Variants in RIPOR2 observed in about 807,000 individuals in gnomAD.
RIPOR2 encodes RHO family interacting cell polarization regulator 2, also known as rho family-interacting cell polarization regulator 2.
Under a neutral mutation model 114.5 loss-of-function variants are expected in RIPOR2, and 39 were observed. The observed-to-expected ratio is 0.34, with a 90% CI of 0.26 to 0.44. The LOEUF is 0.44. Ranked by LOEUF, RIPOR2 falls within the 20% of genes least tolerant of loss-of-function variation. The pLI is 1.00. For synonymous variants in RIPOR2, 445 were observed against 484.4 expected (o/e 0.92, Z 1.07); for missense variants, 1,007 against 1,255.1 (o/e 0.80, Z 2.99).
intron 12 of RIPOR2, among the ~76,000 whole-genome samples, chr6:24,844,426 G>A (rs922535021): frequency 5.3e-5 from 8 of 151,982 alleles, no homozygotes; most frequent in Admixed American, 3.9e-4. Context: ...TCTGTGGAAA[G>A]GGCTTTTGAG....
chr6:25,040,424 G>A (rs1406899366), intron 1 of RIPOR2, among the ~76,000 whole-genome samples: 1 of 151,542 alleles, frequency 6.6e-6, no homozygotes, highest in African/African-American at 2.4e-5. Flanking sequence ...CCTGTGTGAT[G>A]GACTTCTAAT....
At chr6:24,973,949 C>T (rs142998166) in intron 1 of RIPOR2, among the ~76,000 whole-genome samples, 193 of 152,134 alleles carry the variant, frequency 1.3e-3, no homozygotes, top group Admixed American at 3.3e-3. Context: ...GACTAGAGGA[C>T]GGAGAGAAGG....
chr6:24,876,225 G>A (rs1342250037), intron 1 of RIPOR2, among the ~76,000 whole-genome samples: 10 of 152,002 alleles, frequency 6.6e-5, no homozygotes, highest in East Asian at 1.9e-4. Flanking sequence ...AGAAGGCGAA[G>A]GTTGCAGTGA....
intron 1 of RIPOR2, among the ~76,000 whole-genome samples, chr6:24,993,316 C>A (rs9379704): frequency 1.1e-3 from 173 of 152,180 alleles, no homozygotes; most frequent in African/African-American, 3.9e-3. Context: ...TGAATTGAAG[C>A]CTTTACCATT....
At chr6:24,833,520 A>G (rs1444801568) in intron 15 of RIPOR2, among the ~76,000 whole-genome samples, 1 of 151,266 alleles carries the variant, frequency 6.6e-6, no homozygotes, top group Non-Finnish European at 1.5e-5. Flanking sequence ...AAACAAAAAC[A>G]ACAACAACAA....
intron 1 of RIPOR2, chr6:24,910,830 G>C (rs1402993199): frequency 2.0e-5 from 20 of 985,314 alleles, no homozygotes; most frequent in Non-Finnish European, 2.3e-5. Flanking sequence ...AACGACGACG[G>C]CTCCTTGTCA....
intron 6 of RIPOR2, among the ~76,000 whole-genome samples, chr6:24,865,701 G>A (rs925598040): frequency 6.6e-6 from 1 of 152,160 alleles, no homozygotes; most frequent in Admixed American, 6.5e-5. Flanking sequence ...TGCATTGTTT[G>A]AGGCTATCAT....
At chr6:24,903,864 C>G (rs1056126134) in intron 1 of RIPOR2, among the ~76,000 whole-genome samples, 1 of 152,228 alleles carries the variant, frequency 6.6e-6, no homozygotes, top group Non-Finnish European at 1.5e-5. Flanking sequence ...TACTGTCCCT[C>G]AGAGAAGGAT....
chr6:25,009,306 T>A (rs1775685398), intron 1 of RIPOR2, among the ~76,000 whole-genome samples: 1 of 152,228 alleles, frequency 6.6e-6, no homozygotes, highest in Non-Finnish European at 1.5e-5. Context: ...TTTATCTTGA[T>A]TAGCAGTTTC....
intron 1 of RIPOR2, among the ~76,000 whole-genome samples, chr6:24,934,808 T>G (rs1034939675): frequency 6.6e-6 from 1 of 152,124 alleles, no homozygotes; most frequent in African/African-American, 2.4e-5. Context: ...AATGACTAGA[T>G]CATCCCTTTA....
chr6:24,806,428 C>A lies in RIPOR2; in HGVS notation c.3089G>T (p.Arg1030Leu), dbSNP rs767133936. ...LAYEQLDKFP[R>L]DCVKVGGRHG... ...ACGACCTCCGACTTTAACACAGTCTCGAGGAAATTTGTCCAATTGTTCATA... is the reference window on the plus strand; with the variant it reads ...ACGACCTCCGACTTTAACACAGTCTAGAGGAAATTTGTCCAATTGTTCATA... The change falls in exon 22 of 22, where the codon CGA (arginine) becomes CTA (leucine). Residue 1030 changes from arginine (R) to leucine (L), a missense_variant. By Grantham distance (102) the Arg-to-Leu change is moderately radical. Coordinates refer to ENST00000643898, the MANE Select transcript of RIPOR2 (RefSeq NM_001286445.3). The A allele has an allele frequency of 1.9e-6, 3 of 1,551,774 alleles. No individual in the cohort carries two copies. The highest frequency in any genetic ancestry group is 1.7e-6 in the Non-Finnish European group (2 of 1,146,984).
At position 24,865,506 on chromosome 6, in the gene RIPOR2, T is replaced by C. The variant is rs1764514715; in HGVS notation, c.502-56A>G. The C allele has an allele frequency of 4.2e-5, 59 of 1,409,628 alleles. No homozygotes were observed. In the South Asian group the frequency reaches 7.2e-4, roughly 17 times the overall value. The allele number at this position is 1,409,628 out of a possible 1,614,324, so 87.3% of individuals were successfully genotyped here. A position where few individuals can be genotyped will look rare whatever the true frequency, so the allele number is the denominator to read the frequency against. On this transcript the variant is annotated intron_variant, in intron 6 of 21. Coordinates refer to ENST00000643898, the MANE Select transcript of RIPOR2 (RefSeq NM_001286445.3). ...AATGTCAGGCTTGAAAGAAAATACA[T>C]AGATCATTGTTACATGCTTAATTTA...
intron 14 of RIPOR2, among the ~76,000 whole-genome samples, chr6:24,836,495 A>G (rs1270676590): frequency 4.6e-5 from 7 of 152,216 alleles, no homozygotes; most frequent in African/African-American, 1.7e-4. Context: ...CCTACATTTA[A>G]AAAAATCTCT....
At chr6:24,927,793 C>T (rs1358278941) in intron 1 of RIPOR2, among the ~76,000 whole-genome samples, 1 of 152,188 alleles carries the variant, frequency 6.6e-6, no homozygotes, top group African/African-American at 2.4e-5. Context: ...TAAAGCCAAA[C>T]AACTAGTAAG....
At chr6:25,021,944 A>G (rs1776343565) in intron 1 of RIPOR2, among the ~76,000 whole-genome samples, 1 of 152,206 alleles carries the variant, frequency 6.6e-6, no homozygotes, top group East Asian at 1.9e-4. Flanking sequence ...TAAATTCCTT[A>G]ATGCTTCAGA....
At chr6:24,952,545 TCCA>T (rs1772830553) in intron 1 of RIPOR2, among the ~76,000 whole-genome samples, 1 of 152,150 alleles carries the variant, frequency 6.6e-6, no homozygotes, top group Non-Finnish European at 1.5e-5. Context: ...GCACACCATT[TCCA>T]CCAACCAGAT....
chr6:24,862,933 T>C (rs1283608857), intron 7 of RIPOR2, among the ~76,000 whole-genome samples: 2 of 152,056 alleles, frequency 1.3e-5, no homozygotes, highest in Non-Finnish European at 2.9e-5. Flanking sequence ...TTTGTGGTTA[T>C]GTGAGGATGT....
chr6:25,040,813 G>T (rs1305596870), intron 1 of RIPOR2, among the ~76,000 whole-genome samples: 1 of 151,896 alleles, frequency 6.6e-6, no homozygotes, highest in Non-Finnish European at 1.5e-5. Flanking sequence ...GGGTGGTCTC[G>T]ATCTCTTGAC....
intron 1 of RIPOR2, among the ~76,000 whole-genome samples, chr6:25,025,748 G>A (rs1400630773): frequency 6.6e-6 from 1 of 152,164 alleles, no homozygotes; most frequent in East Asian, 1.9e-4. Context: ...CACAACTTTG[G>A]AAAACATTGT....
Sources: gnomAD v4.1 joint callset for allele counts (sites outside exome capture counted in the v4.1 genomes callset) on GRCh38, gnomAD v4.1.1 for gene constraint, MANE v1.5 for transcripts, NCBI Gene and HGNC (gene_info 2026-07-23, HGNC 2026-07-21) for gene names.